The following MKLN1 variants were observed in gnomAD, a reference collection of about 807,000 sequenced individuals.
MKLN1 encodes the protein muskelin.
MKLN1 carries 18 observed loss-of-function variants against 99.0 expected under a neutral mutation model. The observed-to-expected ratio is 0.18, with a 90% confidence interval of 0.13 to 0.27. The LOEUF is 0.27. MKLN1 is among the 10% of genes least tolerant of loss of function. The pLI is 1.00. For synonymous variants in MKLN1, 288 were observed against 293.2 expected, an observed-to-expected ratio of 0.98 and a Z score of 0.18; for missense variants, 621 against 875.9, an observed-to-expected ratio of 0.71 and a Z score of 3.67.
intron 1 of MKLN1, among the ~76,000 whole-genome samples, chr7:131,119,125 A>G (rs536964575): frequency 6.6e-6 from 1 of 152,378 alleles, no homozygotes; most frequent in Admixed American, 6.5e-5. Context: ...CAAGTTAGTT[A>G]CTTCCAAGAT....
intron 12 of MKLN1, among the ~76,000 whole-genome samples, chr7:131,456,065 A>G (rs2116573958): frequency 6.6e-6 from 1 of 152,092 alleles, no homozygotes; most frequent in South Asian, 2.1e-4. Context: ...AAAAAAAGAG[A>G]AAAGAAACTG....
At chr7:131,425,492 T>C (rs191408440) in intron 8 of MKLN1, among the ~76,000 whole-genome samples, 1 of 152,328 alleles carries the variant, frequency 6.6e-6, no homozygotes, top group East Asian at 1.9e-4. Flanking sequence ...CCTTTTGATA[T>C]TCTTGGCTAG....
At chr7:131,220,051 C>T (rs1181256503) in intron 3 of MKLN1, among the ~76,000 whole-genome samples, 1 of 152,110 alleles carries the variant, frequency 6.6e-6, no homozygotes, top group East Asian at 1.9e-4. Context: ...CCAATCTCTA[C>T]CAAAGAAATT....
intron 16 of MKLN1, among the ~76,000 whole-genome samples, chr7:131,472,964 A>G (rs1796867257): frequency 6.6e-6 from 1 of 150,726 alleles, no homozygotes. Flanking sequence ...AAAAAAAAAA[A>G]AGAAAAAAAA....
intron 3 of MKLN1, among the ~76,000 whole-genome samples, chr7:131,247,228 CTTTTTTCTTTTTTT>C (rs1434163666): frequency 1.0e-5 from 1 of 97,466 alleles, no homozygotes; most frequent in East Asian, 1.0e-3. Flanking sequence ...TCTTCTTTTT[CTTTTTTCTTTTTTT>C]TTTTTTTGTC....
chr7:131,190,107 G>T (rs894204946), intron 2 of MKLN1, among the ~76,000 whole-genome samples: 3 of 152,060 alleles, frequency 2.0e-5, no homozygotes, highest in Non-Finnish European at 4.4e-5. Context: ...CCATCTCTCT[G>T]GATCCCCCAC....
At chr7:131,308,499 G>A (rs1798503358) in intron 3 of MKLN1, among the ~76,000 whole-genome samples, 1 of 152,048 alleles carries the variant, frequency 6.6e-6, no homozygotes, top group South Asian at 2.1e-4. Context: ...GACCTCAGGT[G>A]ATCCACCTGC....
At chr7:131,206,959 G>C (rs921565736) in intron 3 of MKLN1, among the ~76,000 whole-genome samples, 1 of 152,162 alleles carries the variant, frequency 6.6e-6, no homozygotes, top group Non-Finnish European at 1.5e-5. Context: ...GTTTTTAAGG[G>C]TCTATGGACG....
chr7:131,275,632 T>C (rs1242613645), intron 3 of MKLN1, among the ~76,000 whole-genome samples: 2 of 135,452 alleles, frequency 1.5e-5, no homozygotes, highest in African/African-American at 2.7e-5. Context: ...GCTTTCACCA[T>C]ATTGGCCAGG....
upstream of MKLN1, chr7:131,327,782 G>A (rs935972279): frequency 2.1e-6 from 3 of 1,441,506 alleles, no homozygotes; most frequent in South Asian, 1.4e-5. Flanking sequence ...GTAACGATGC[G>A]GGGCGGGGAG....
At chr7:131,153,655 T>G (rs907752706) in intron 2 of MKLN1, among the ~76,000 whole-genome samples, 3 of 49,766 alleles carry the variant, frequency 6.0e-5, no homozygotes, top group South Asian at 1.3e-3. Flanking sequence ...TGAAAGTAGG[T>G]TTTTTTTGGT....
chr7:131,264,062 A>G (rs74840367), intron 3 of MKLN1, among the ~76,000 whole-genome samples: 2,601 of 152,242 alleles, frequency 0.017, 86 homozygotes, highest in African/African-American at 0.059. Context: ...CATCAGGGCA[A>G]AAATTTCTGG....
At chr7:131,253,208 A>C (rs145689859) in intron 3 of MKLN1, among the ~76,000 whole-genome samples, 1,604 of 152,356 alleles carry the variant, frequency 0.011, 12 homozygotes, top group Non-Finnish European at 0.017. Context: ...CATCTGAACC[A>C]AAAACTGTTC....
intron 1 of MKLN1, among the ~76,000 whole-genome samples, chr7:131,140,827 T>A (rs1221836388): frequency 6.6e-6 from 1 of 152,002 alleles, no homozygotes; most frequent in Non-Finnish European, 1.5e-5. Context: ...TCGCCCAGGC[T>A]GGAGGGCAGT....
At chr7:131,443,837 T>C (rs1372979663) in intron 11 of MKLN1, 135 bp downstream of exon 11, 2 of 688,078 alleles carry the variant, frequency 2.9e-6, no homozygotes, top group South Asian at 3.7e-5. Context: ...TCTTTAACAG[T>C]GAACTGTTTG....
intron 3 of MKLN1, among the ~76,000 whole-genome samples, chr7:131,232,849 AAAAT>A (rs1229788771): frequency 2.0e-5 from 3 of 151,952 alleles, no homozygotes; most frequent in African/African-American, 7.3e-5. Flanking sequence ...CCATCTCCAA[AAAAT>A]AAATAAATAA....
chr7:131,182,688 T>C (rs1003850130), intron 2 of MKLN1, among the ~76,000 whole-genome samples: 16 of 152,066 alleles, frequency 1.1e-4, no homozygotes, highest in African/African-American at 1.7e-4. Flanking sequence ...GTCTGTTTTA[T>C]AGTGTCACCT....
chr7:131,280,454 G>C lies in MKLN1; in HGVS notation c.-179+77480G>C, dbSNP rs1337077827. ...ATAGATGAGGGTTCCAGTTTCTCCA[G>C]ATCCTTACCAACACTTGTTCTTGTT... On this transcript the variant is annotated intron_variant, in intron 3 of 7. Coordinates refer to the MKLN1 transcript ENST00000416992. 2.6e-5 allele frequency among the ~76,000 whole-genome samples: 4 copies of C among 152,276 alleles called. No individual in the cohort carries two copies. The East Asian group carries it at 7.7e-4, about 29-fold the overall frequency.
intron 3 of MKLN1, among the ~76,000 whole-genome samples, chr7:131,245,275 T>TC (rs1465328598): frequency 1.3e-5 from 2 of 150,772 alleles, no homozygotes; most frequent in African/African-American, 4.9e-5. Flanking sequence ...GGTCTTTTTT[T>TC]TTTTTTTTTT....
Sources: gnomAD v4.1 joint callset for allele counts (sites outside exome capture counted in the v4.1 genomes callset) on GRCh38, gnomAD v4.1.1 for gene constraint, MANE v1.5 for transcripts, NCBI Gene and HGNC (gene_info 2026-07-23, HGNC 2026-07-21) for gene names.